KCNJ6: variants seen among roughly 807,000 people sequenced by gnomAD.
KCNJ6 encodes the protein potassium inwardly rectifying channel subfamily J member 6, also known as G protein-activated inward rectifier potassium channel 2.
In KCNJ6, 9 loss-of-function variants were observed where a neutral mutation model predicts 34.2. The ratio of observed to expected loss-of-function variants is 0.26; its 90% confidence interval spans 0.16 to 0.46. The LOEUF (loss-of-function observed/expected upper bound fraction) is 0.46. Among genes scored for constraint, KCNJ6 ranks in the 20% least tolerant of loss-of-function variants. The pLI is 1.00. For synonymous variants in KCNJ6, 196 were observed against 207.1 expected, an observed-to-expected ratio of 0.95 and a Z score of 0.46; for missense variants, 236 against 531.3, an observed-to-expected ratio of 0.44 and a Z score of 5.46.
At chr21:37,683,778 G>C (rs2054600380) in intron 3 of KCNJ6, among the ~76,000 whole-genome samples, 2 of 152,296 alleles carry the variant, frequency 1.3e-5, no homozygotes, top group African/African-American at 4.8e-5. Flanking sequence ...CCTGGGGCCA[G>C]GCTTCTTTCT....
intron 3 of KCNJ6, among the ~76,000 whole-genome samples, chr21:37,648,937 GC>G (rs889842687): frequency 3.9e-5 from 6 of 151,910 alleles, no homozygotes; most frequent in Admixed American, 6.5e-5. Flanking sequence ...TTCGAGACAA[GC>G]CTGGCCAACA....
chr21:37,794,151 A>G (rs1451859879), intron 2 of KCNJ6, among the ~76,000 whole-genome samples: 4 of 152,254 alleles, frequency 2.6e-5, no homozygotes, highest in African/African-American at 9.6e-5. Context: ...TGTACTCTGC[A>G]CTGAAAGATT....
chr21:37,782,697 C>T (rs2055175330), intron 2 of KCNJ6, among the ~76,000 whole-genome samples: 1 of 152,072 alleles, frequency 6.6e-6, no homozygotes, highest in Non-Finnish European at 1.5e-5. Context: ...AGAGGGTGGA[C>T]AAGTCAGGCT....
intron 2 of KCNJ6, among the ~76,000 whole-genome samples, chr21:37,724,757 C>T (rs748231831): frequency 2.0e-5 from 3 of 152,136 alleles, no homozygotes; most frequent in Non-Finnish European, 2.9e-5. Context: ...CGACCTGGAC[C>T]TGGAGCAGTT....
chr21:37,826,216 G>A (rs959351685), intron 2 of KCNJ6, among the ~76,000 whole-genome samples: 3 of 152,050 alleles, frequency 2.0e-5, no homozygotes, highest in African/African-American at 4.8e-5. Flanking sequence ...AGAAATGTGC[G>A]AATAGTTACT....
intron 3 of KCNJ6, among the ~76,000 whole-genome samples, chr21:37,680,430 T>G (rs1415910864): frequency 1.3e-5 from 2 of 152,302 alleles, no homozygotes; most frequent in Admixed American, 6.5e-5. Flanking sequence ...TTCCTGGGTA[T>G]CCAGACTATG....
chr21:37,915,505 C>T (rs1295945932), intron 1 of KCNJ6, among the ~76,000 whole-genome samples: 1 of 152,170 alleles, frequency 6.6e-6, no homozygotes, highest in Non-Finnish European at 1.5e-5. Context: ...AGGCTTTTCC[C>T]AACTGTAAAT....
chr21:37,658,290 T>A (rs2054473195), intron 3 of KCNJ6, among the ~76,000 whole-genome samples: 1 of 152,242 alleles, frequency 6.6e-6, no homozygotes, highest in African/African-American at 2.4e-5. Context: ...AAGACGAGCA[T>A]GACATTGCGA....
At chr21:37,786,686 C>T (rs566559543) in intron 2 of KCNJ6, among the ~76,000 whole-genome samples, 1 of 152,338 alleles carries the variant, frequency 6.6e-6, no homozygotes, top group East Asian at 1.9e-4. Context: ...CTGAGTCTTA[C>T]AGCGAGATTC....
chr21:37,731,468 C>T (rs1329988592), intron 2 of KCNJ6, among the ~76,000 whole-genome samples: 1 of 152,144 alleles, frequency 6.6e-6, no homozygotes, highest in Non-Finnish European at 1.5e-5. Flanking sequence ...TATTGAACAC[C>T]TACTATGTGC....
chr21:37,737,093 G>T (rs549480189), intron 2 of KCNJ6, among the ~76,000 whole-genome samples: 1 of 152,186 alleles, frequency 6.6e-6, no homozygotes, highest in South Asian at 2.1e-4. Flanking sequence ...GATATGTTAC[G>T]GGGGGATCTG....
At chr21:37,764,268 A>C (rs73411810) in intron 2 of KCNJ6, among the ~76,000 whole-genome samples, 12,630 of 152,276 alleles carry the variant, frequency 0.083, 568 homozygotes, top group African/African-American at 0.12. Context: ...AAGCTGAGAA[A>C]ACGGAAAGGT....
chr21:37,725,967 G>C (rs944735224), intron 2 of KCNJ6, among the ~76,000 whole-genome samples: 2 of 152,176 alleles, frequency 1.3e-5, no homozygotes, highest in Non-Finnish European at 2.9e-5. Flanking sequence ...GTGCAATGGA[G>C]TGAACTCAGC....
At chr21:37,666,675 C>T (rs745724515) in intron 3 of KCNJ6, among the ~76,000 whole-genome samples, 5 of 151,740 alleles carry the variant, frequency 3.3e-5, no homozygotes, top group African/African-American at 1.2e-4. Flanking sequence ...CCATCGAGAA[C>T]GGGCCATGAT....
chr21:37,670,520 T>A (rs1037223957), intron 3 of KCNJ6, among the ~76,000 whole-genome samples: 14 of 152,166 alleles, frequency 9.2e-5, no homozygotes, highest in Non-Finnish European at 2.9e-5. Flanking sequence ...ATCTCAGCAC[T>A]TTGGGAGGCT....
intron 2 of KCNJ6, among the ~76,000 whole-genome samples, chr21:37,781,717 CT>C (rs1314079156): frequency 6.6e-6 from 1 of 152,148 alleles, no homozygotes; most frequent in East Asian, 1.9e-4. Flanking sequence ...GAGTAAGTAA[CT>C]TGGATAAGAT....
intron 3 of KCNJ6, among the ~76,000 whole-genome samples, chr21:37,661,841 G>T (rs1205529290): frequency 6.6e-6 from 1 of 151,258 alleles, no homozygotes; most frequent in African/African-American, 2.4e-5. Flanking sequence ...TGTTAGTTGG[G>T]ATGGTCTCGA....
At chr21:37,884,246 A>G (rs1006451798) in intron 1 of KCNJ6, among the ~76,000 whole-genome samples, 4 of 152,160 alleles carry the variant, frequency 2.6e-5, no homozygotes, top group African/African-American at 4.8e-5. Flanking sequence ...TCACTTAAGA[A>G]TGCATCAAGT....
At chr21:37,734,577 C>A (rs1569453995) in intron 2 of KCNJ6, among the ~76,000 whole-genome samples, 2 of 152,176 alleles carry the variant, frequency 1.3e-5, no homozygotes, top group Non-Finnish European at 2.9e-5. Flanking sequence ...TTGACCAGCT[C>A]ACAACATTCC....
Sources: gnomAD v4.1 joint callset for allele counts (sites outside exome capture counted in the v4.1 genomes callset) on GRCh38, gnomAD v4.1.1 for gene constraint, MANE v1.5 for transcripts, NCBI Gene and HGNC (gene_info 2026-07-23, HGNC 2026-07-21) for gene names.